AUTS2: variants seen among roughly 807,000 people sequenced by gnomAD.
AUTS2 encodes the protein autism susceptibility gene 2 protein.
In AUTS2, 17 loss-of-function variants were observed where a neutral mutation model predicts 112.4. The ratio of observed to expected loss-of-function variants is 0.15; its 90% CI spans 0.10 to 0.23. The LOEUF is 0.23. Among genes scored for constraint, AUTS2 ranks in the 10% least tolerant of loss-of-function variants. AUTS2 has a pLI of 1.00. For missense variants in AUTS2, 1,510 were observed against 1,701.6 expected, an observed-to-expected ratio of 0.89 and a Z score of 1.98; for synonymous variants, 751 against 702.7, an observed-to-expected ratio of 1.07 and a Z score of -1.09.
chr7:70,268,390 C>G (rs1350980506), intron 4 of AUTS2, among the ~76,000 whole-genome samples: 1 of 152,148 alleles, frequency 6.6e-6, no homozygotes, highest in Non-Finnish European at 1.5e-5. Flanking sequence ...TTTACTCTTT[C>G]TTATGTAAGT....
chr7:69,724,094 GA>G (rs1249676758), intron 1 of AUTS2, among the ~76,000 whole-genome samples: 9 of 152,036 alleles, frequency 5.9e-5, no homozygotes, highest in East Asian at 1.9e-4. Context: ...AATGTGGGGG[GA>G]AAAAAATCAC....
chr7:70,595,903 G>A (rs1186465109), intron 5 of AUTS2, among the ~76,000 whole-genome samples: 6 of 152,150 alleles, frequency 3.9e-5, no homozygotes, highest in Admixed American at 6.5e-5. Flanking sequence ...GCTTCGGGGC[G>A]GCCCTCCCCG....
intron 5 of AUTS2, among the ~76,000 whole-genome samples, chr7:70,466,617 A>T (rs1384157728): frequency 6.6e-6 from 1 of 152,246 alleles, no homozygotes; most frequent in Admixed American, 6.5e-5. Context: ...GATCAATTCT[A>T]TAGCTATTCC....
In AUTS2 at chr7:70,386,596, ATATC is replaced by A. The variant is rs562352148; in HGVS notation, c.661-49155_661-49152del. On this transcript the variant is annotated intron_variant, in intron 4 of 18. Transcript: ENST00000342771. ...CTATTCTGAACATTTCATCTCTGAA[ATATC>A]CTAAAGTGACTGAACGTAAGTCCAG... Among the ~76,000 whole-genome samples the A allele has an allele frequency of 2.4e-3, 360 of 152,352 alleles. 1 individual carries two copies. The highest frequency in any genetic ancestry group is 8.3e-3 in the African/African-American group (345 of 41,580).
chr7:70,752,669 T>A (rs1362212364), intron 6 of AUTS2, among the ~76,000 whole-genome samples: 1 of 152,172 alleles, frequency 6.6e-6, no homozygotes, highest in East Asian at 1.9e-4. Flanking sequence ...GTAGTACAAA[T>A]GAGTTTTTCC....
chr7:70,373,736 A>G (rs1792953235), intron 4 of AUTS2, among the ~76,000 whole-genome samples: 1 of 152,214 alleles, frequency 6.6e-6, no homozygotes, highest in Non-Finnish European at 1.5e-5. Flanking sequence ...TAAATTATAT[A>G]AAATGTCTAG....
intron 1 of AUTS2, among the ~76,000 whole-genome samples, chr7:69,796,523 CAA>C (rs57474916): frequency 1.7e-3 from 219 of 126,112 alleles, no homozygotes; most frequent in Middle Eastern, 4.3e-3. Context: ...ACTCTGTTTC[CAA>C]AAAAAAAAAA....
At chr7:70,028,620 C>T (rs1269352944) in intron 2 of AUTS2, among the ~76,000 whole-genome samples, 2 of 152,176 alleles carry the variant, frequency 1.3e-5, no homozygotes, top group East Asian at 1.9e-4. Context: ...TGTTCCCATC[C>T]ACCTGAGCCC....
intron 1 of AUTS2, among the ~76,000 whole-genome samples, chr7:69,826,285 A>G (rs955295815): frequency 4.6e-5 from 7 of 152,214 alleles, no homozygotes; most frequent in African/African-American, 9.6e-5. Context: ...TGGACTGGCA[A>G]AGTAACTAAT....
intron 5 of AUTS2, among the ~76,000 whole-genome samples, chr7:70,543,484 G>A (rs913397678): frequency 2.7e-5 from 4 of 150,016 alleles, no homozygotes; most frequent in Non-Finnish European, 4.4e-5. Context: ...AGCTGAGATC[G>A]CACCACTGCA....
At chr7:69,773,687 GC>G (rs1402670446) in intron 1 of AUTS2, among the ~76,000 whole-genome samples, 79 of 152,262 alleles carry the variant, frequency 5.2e-4, no homozygotes, top group Non-Finnish European at 7.6e-4. Flanking sequence ...CAGTTCCTCT[GC>G]CAGGTGGTGT....
At chr7:69,676,286 C>T (rs886243956) in intron 1 of AUTS2, among the ~76,000 whole-genome samples, 2 of 152,186 alleles carry the variant, frequency 1.3e-5, no homozygotes, top group East Asian at 3.8e-4. Flanking sequence ...CCTAGGGTGG[C>T]TTTTGTAGCA....
At chr7:69,798,506 T>G (rs1481003979) in intron 1 of AUTS2, among the ~76,000 whole-genome samples, 1 of 152,184 alleles carries the variant, frequency 6.6e-6, no homozygotes, top group Non-Finnish European at 1.5e-5. Flanking sequence ...CCCTAATTTT[T>G]TTTTGTTATG....
intron 1 of AUTS2, among the ~76,000 whole-genome samples, chr7:69,607,706 C>CGTA (rs1792807526): frequency 6.6e-6 from 1 of 152,080 alleles, no homozygotes; most frequent in Non-Finnish European, 1.5e-5. Context: ...GGTGCCATAC[C>CGTA]CCCTTGTTAC....
rs375949853 is a variant in AUTS2, at chr7:70,561,187, A to G, written c.690+125406A>G. On this transcript the variant is annotated intron_variant, in intron 5 of 18. Coordinates refer to ENST00000342771, the MANE Select transcript of AUTS2 (RefSeq NM_015570.4). ...GTGAGATCACAGGCTCCCTCTCCAA[A>G]CTCATCAGTTGTCTCTTGTTTTACC... is the stretch of plus-strand genomic sequence containing the variant. 1.3e-4 allele frequency among the ~76,000 whole-genome samples: 19 copies of G among 151,994 alleles called. 2 individuals carry two copies. The East Asian group carries it at 2.5e-3, about 20-fold the overall frequency.
chr7:70,672,208 G>C (rs1807680799), intron 5 of AUTS2, among the ~76,000 whole-genome samples: 1 of 152,242 alleles, frequency 6.6e-6, no homozygotes, highest in Admixed American at 6.5e-5. Context: ...GGAGTCTTGG[G>C]AGCCCCCTAC....
chr7:70,045,343 C>A (rs1801454552), intron 2 of AUTS2, among the ~76,000 whole-genome samples: 1 of 152,052 alleles, frequency 6.6e-6, no homozygotes, highest in Admixed American at 6.6e-5. Flanking sequence ...TTGAGGTGTG[C>A]TGTAAGTCTA....
At chr7:69,996,273 C>G (rs911401564) in intron 2 of AUTS2, among the ~76,000 whole-genome samples, 5 of 152,148 alleles carry the variant, frequency 3.3e-5, no homozygotes, top group African/African-American at 1.2e-4. Flanking sequence ...CTACATGGAG[C>G]CTCAGCTGTC....
chr7:70,256,252 G>C (rs1786863678), intron 4 of AUTS2, among the ~76,000 whole-genome samples: 1 of 152,192 alleles, frequency 6.6e-6, no homozygotes, highest in Non-Finnish European at 1.5e-5. Flanking sequence ...AGAGTATTGT[G>C]TATTTGACTT....
Sources: allele counts gnomAD v4.1 joint callset (sites outside exome capture counted in the v4.1 genomes callset), GRCh38; gene constraint gnomAD v4.1.1; transcripts MANE v1.5; gene names NCBI Gene and HGNC (gene_info 2026-07-23, HGNC 2026-07-21).